Variants in MMP26 observed in about 807,000 individuals in gnomAD.
MMP26 encodes the protein matrix metalloproteinase-26.
A neutral mutation model predicts 31.0 loss-of-function variants in MMP26; 33 were observed. That is an observed-to-expected ratio of 1.06 (90% CI 0.81 to 1.42). MMP26 has a LOEUF of 1.42. Among genes scored for constraint, MMP26 ranks in the 40% most tolerant of loss-of-function variants. The pLI is 0.00. For missense variants in MMP26, 347 were observed against 316.1 expected (o/e 1.10, Z -0.74); for synonymous variants, 122 against 114.9 (o/e 1.06, Z -0.40).
chr11:4,958,148 G>A (rs1846469536), intron 2 of MMP26, among the ~76,000 whole-genome samples: 1 of 152,122 alleles, frequency 6.6e-6, no homozygotes, highest in Admixed American at 6.5e-5. Flanking sequence ...TTCAAGATAA[G>A]ACATTGGAGC....
intron 1 of MMP26, chr11:4,723,027 C>G: frequency 3.0e-6 from 3 of 1,009,260 alleles, no homozygotes; most frequent in Non-Finnish European, 4.7e-6. Flanking sequence ...GTGGCGATCT[C>G]GATATCCAGG....
intron 2 of MMP26, among the ~76,000 whole-genome samples, chr11:4,808,385 G>A (rs950726181): frequency 2.8e-4 from 43 of 152,084 alleles, no homozygotes; most frequent in African/African-American, 1.0e-3. Flanking sequence ...ATTAGAGGAA[G>A]ATCTGAACTT....
At chr11:4,932,423 A>G (rs938719209) in intron 2 of MMP26, among the ~76,000 whole-genome samples, 1 of 152,084 alleles carries the variant, frequency 6.6e-6, no homozygotes, top group Non-Finnish European at 1.5e-5. Flanking sequence ...GTTTCCTGGT[A>G]TATGCTCTCT....
chr11:4,744,650 G>A (rs976670438), intron 1 of MMP26, among the ~76,000 whole-genome samples: 5 of 152,196 alleles, frequency 3.3e-5, no homozygotes, highest in Non-Finnish European at 7.4e-5. Context: ...GGATCTTTCT[G>A]ATAAATTGTA....
intron 2 of MMP26, among the ~76,000 whole-genome samples, chr11:4,808,606 A>G (rs1416600120): frequency 2.0e-5 from 3 of 152,030 alleles, no homozygotes; most frequent in African/African-American, 4.8e-5. Flanking sequence ...CCTGTATTCT[A>G]TAGCCCCTTT....
intron 2 of MMP26, among the ~76,000 whole-genome samples, chr11:4,774,263 C>G (rs535539310): frequency 1.7e-3 from 260 of 152,230 alleles, no homozygotes; most frequent in African/African-American, 5.6e-3. Flanking sequence ...AAAAGCATTC[C>G]TATTTCTCCA....
rs150818870 is a variant in MMP26, at chr11:4,738,404, T to A, written c.-216-28866T>A. On this transcript the variant is annotated intron_variant, in intron 1 of 7. Transcript: ENST00000380390. ...TGTGGTTTTGCAGATTCTTACTGGTTAAGACTGCCACCGTGAGAAAATATC... is the reference window on the plus strand; with the variant it reads ...TGTGGTTTTGCAGATTCTTACTGGTAAAGACTGCCACCGTGAGAAAATATC... Among the ~76,000 whole-genome samples the A allele has an allele frequency of 1.4e-4, 21 of 152,324 alleles. No individual in the cohort carries two copies. The East Asian group carries it at 3.9e-3, about 28-fold the overall frequency.
chr11:4,781,416 G>A (rs1466034490), intron 2 of MMP26, among the ~76,000 whole-genome samples: 1 of 95,440 alleles, frequency 1.0e-5, no homozygotes, highest in Non-Finnish European at 2.1e-5. Context: ...GCGCGGTGGC[G>A]GGCGCCTGTA....
At chr11:4,960,959 G>A (rs539574642) in intron 2 of MMP26, among the ~76,000 whole-genome samples, 89 of 152,282 alleles carry the variant, frequency 5.8e-4, no homozygotes, top group African/African-American at 2.0e-3. Context: ...AAAGGGAAAT[G>A]TATAAATGCA....
In MMP26 at chr11:4,931,853, A is replaced by G. The variant is rs186151730; in HGVS notation, c.-144-56215A>G. Among the ~76,000 whole-genome samples the G allele has an allele frequency of 9.9e-5, 15 of 152,124 alleles. No homozygotes were observed. The East Asian group carries it at 2.7e-3, about 28-fold the overall frequency. On this transcript the variant is annotated intron_variant, in intron 2 of 7. Transcript: ENST00000380390. ...TAGGAGGCTTTATGTCTGGTGGCAA[A>G]TAATAGGAATAATTCTCATTTTACT...
At chr11:4,973,607 C>T (rs1846696109) in intron 2 of MMP26, 1 of 156,538 alleles carries the variant, frequency 6.4e-6, no homozygotes, top group Non-Finnish European at 1.5e-5. Context: ...AGGGGAAATT[C>T]CTGGAGCATT....
intron 2 of MMP26, among the ~76,000 whole-genome samples, chr11:4,968,301 C>A (rs976227484): frequency 2.4e-4 from 36 of 152,012 alleles, no homozygotes; most frequent in Non-Finnish European, 1.2e-4. Flanking sequence ...TTTTATTTGA[C>A]AATGTTTCCA....
intron 1 of MMP26, among the ~76,000 whole-genome samples, chr11:4,761,440 A>C (rs1848568297): frequency 6.6e-6 from 1 of 152,154 alleles, no homozygotes; most frequent in African/African-American, 2.4e-5. Context: ...AAGGAATCTT[A>C]ATTGTAGAGT....
chr11:4,973,145 C>G (rs1248234417), intron 2 of MMP26: 1 of 207,888 alleles, frequency 4.8e-6, no homozygotes, highest in African/African-American at 2.3e-5. Context: ...GAGCACAGCA[C>G]AGATGTGGGA....
intron 1 of MMP26, among the ~76,000 whole-genome samples, chr11:4,766,079 T>A (rs1848624832): frequency 6.6e-6 from 1 of 152,212 alleles, no homozygotes; most frequent in East Asian, 1.9e-4. Context: ...TATTCAGACC[T>A]CCTTGATCAA....
At chr11:4,887,794 A>C (rs1398000608) in intron 2 of MMP26, among the ~76,000 whole-genome samples, 2 of 152,144 alleles carry the variant, frequency 1.3e-5, no homozygotes, top group Non-Finnish European at 2.9e-5. Context: ...AAATTTCATT[A>C]ATGCAATTCC....
At chr11:4,868,539 T>C (rs1850267799) in intron 2 of MMP26, among the ~76,000 whole-genome samples, 1 of 152,138 alleles carries the variant, frequency 6.6e-6, no homozygotes, top group Non-Finnish European at 1.5e-5. Flanking sequence ...TCAAGAGAAC[T>C]ACAAACCACT....
chr11:4,987,461 C>G (rs1202305995), intron 2 of MMP26, among the ~76,000 whole-genome samples: 2 of 151,632 alleles, frequency 1.3e-5, no homozygotes, highest in Non-Finnish European at 2.9e-5. Context: ...CTCTGTCGCC[C>G]AGGCTGGAGT....
intron 2 of MMP26, among the ~76,000 whole-genome samples, chr11:4,964,601 A>T (rs1161975093): frequency 6.6e-6 from 1 of 152,192 alleles, no homozygotes; most frequent in Non-Finnish European, 1.5e-5. Flanking sequence ...TTATTCTATT[A>T]TAAATATACG....
Sources: allele counts gnomAD v4.1 joint callset (sites outside exome capture counted in the v4.1 genomes callset), GRCh38; gene constraint gnomAD v4.1.1; transcripts MANE v1.5; gene names NCBI Gene and HGNC (gene_info 2026-07-23, HGNC 2026-07-21).